CYLD: variants seen among roughly 807,000 people sequenced by gnomAD.
The protein encoded by CYLD is CYLD lysine 63 deubiquitinase.
A neutral mutation model predicts 104.5 loss-of-function variants in CYLD; 26 were observed. The ratio of observed to expected loss-of-function variants is 0.25; its 90% CI spans 0.18 to 0.35. The LOEUF (loss-of-function observed/expected upper bound fraction) is 0.35, where lower values mean the gene tolerates loss of function less well. Ranked by LOEUF, CYLD falls within the 10% of genes least tolerant of loss-of-function variation. The pLI, the probability that CYLD is intolerant of heterozygous loss-of-function variation, is 1.00. For synonymous variants in CYLD, 385 were observed against 399.9 expected (o/e 0.96, Z 0.45); for missense variants, 703 against 1,136.1 (o/e 0.62, Z 5.48).
rs1191913029 is a variant in CYLD at position 50,800,490 on chromosome 16, G to C, written c.*3982G>C. On this transcript the variant is annotated 3_prime_UTR_variant, in exon 19 of 19. Coordinates refer to ENST00000427738, the MANE Select transcript of CYLD (RefSeq NM_001378743.1). Reference sequence around the variant, plus strand: ...TTTAGTCTGTGTACCTCAACCTGCTGTTTGTTTCCTAGAGGTGTTAGTAGT... The same window carrying C: ...TTTAGTCTGTGTACCTCAACCTGCTCTTTGTTTCCTAGAGGTGTTAGTAGT... 4.3e-6 allele frequency: 1 copy of C among 233,050 alleles called. No homozygotes were observed. The highest frequency in any genetic ancestry group is 5.6e-5 in the Admixed American group (1 of 17,786). 14.4% of individuals were successfully genotyped at this position (233,050 alleles called of 1,614,324 possible).
intron 2 of CYLD, among the ~76,000 whole-genome samples, chr16:50,744,210 T>G (rs1429852190): frequency 6.6e-6 from 1 of 152,056 alleles, no homozygotes; most frequent in Admixed American, 6.6e-5. Flanking sequence ...TTTTTTAACC[T>G]TATAAATCCC....
In CYLD at chr16:50,755,025, ATATATATG is replaced by A. The variant is rs1422892353; in HGVS notation, c.913+609_913+616del. On this transcript the variant is annotated intron_variant, in intron 5 of 18. Coordinates refer to ENST00000427738, the MANE Select transcript of CYLD (RefSeq NM_001378743.1). ...TATATACATATATATGTATATATAC[ATATATATG>A]TATATATACATATATATGTATATAT... Among the ~76,000 whole-genome samples the A allele has an allele frequency of 6.5e-5, 7 of 108,104 alleles. 1 individual carries two copies. Among genetic ancestry groups the A allele is most frequent in the South Asian group, 6.8e-4 (2 of 2,946 alleles). 70.9% of individuals were successfully genotyped at this position (108,104 alleles called of 152,430 possible).
chr16:50,749,650 T>C lies in CYLD; in HGVS notation c.-49T>C. ...ATCTTTTGCGGTTTTATGACAAAGT[T>C]ATTAGTAGTTTCCCTTTTTTGAATT... On this transcript the variant is annotated 5_prime_UTR_variant, in exon 3 of 19. Transcript: ENST00000427738. The C allele has an allele frequency of 6.3e-7, 1 of 1,589,080 alleles. No individual in the cohort carries two copies.
At chr16:50,785,165 G>T (rs1040909674) in intron 12 of CYLD, 10 of 152,162 alleles carry the variant, frequency 6.6e-5, no homozygotes, top group African/African-American at 2.2e-4. Flanking sequence ...GAAGAATTAG[G>T]ACCATAGATC....
Position 50,781,419 on chromosome 16 carries a change from G to A in CYLD, c.1684+8G>A. The A allele has an allele frequency of 6.2e-7, 1 of 1,613,132 alleles. No homozygotes were observed. Among genetic ancestry groups the A allele is most frequent in the Non-Finnish European group, 8.5e-7 (1 of 1,179,798 alleles). ...AGCGCTGTAACTCTTTAGGTATTTG[G>A]ATGCTTTTTGTTTACTTAACAACCT... On this transcript the variant is annotated splice_region_variant and intron_variant, in intron 10 of 18. Transcript: ENST00000427738.
intron 2 of CYLD, among the ~76,000 whole-genome samples, chr16:50,747,410 C>T (rs933696809): frequency 6.6e-6 from 1 of 152,136 alleles, no homozygotes; most frequent in Non-Finnish European, 1.5e-5. Flanking sequence ...AGAAAGCATT[C>T]GCGACCTCAG....
At chr16:50,758,832 C>G (rs773626687) in intron 5 of CYLD, among the ~76,000 whole-genome samples, 2 of 152,036 alleles carry the variant, frequency 1.3e-5, no homozygotes, top group Non-Finnish European at 2.9e-5. Context: ...TGGTTTTGAT[C>G]ATGTTAAAAT....
chr16:50,777,569 A>T (rs1036845726), intron 7 of CYLD, among the ~76,000 whole-genome samples: 10 of 152,034 alleles, frequency 6.6e-5, no homozygotes, highest in Middle Eastern at 3.2e-3. Context: ...TTTAAAAATG[A>T]GTGGGCTTTT....
chr16:50,772,601 A>G (rs915993543), intron 5 of CYLD, among the ~76,000 whole-genome samples: 2 of 152,196 alleles, frequency 1.3e-5, no homozygotes, highest in Non-Finnish European at 2.9e-5. Flanking sequence ...CCTCCTACTG[A>G]TGAGCATTTA....
At chr16:50,785,655 G>A (rs4027241) in intron 12 of CYLD, 79,637 of 151,976 alleles carry the variant, frequency 0.52, 21,416 homozygotes, top group African/African-American at 0.62. Flanking sequence ...CTATTGTTCA[G>A]CCAGTTAAGA....
At chr16:50,745,283 CCTTTA>C (rs1250787775) in intron 2 of CYLD, among the ~76,000 whole-genome samples, 1 of 151,222 alleles carries the variant, frequency 6.6e-6, no homozygotes, top group Non-Finnish European at 1.5e-5. Flanking sequence ...GTTCCCTAGG[CCTTTA>C]CTTAAAGGCA....
intron 14 of CYLD, among the ~76,000 whole-genome samples, chr16:50,791,064 T>C (rs1442876245): frequency 6.6e-6 from 1 of 152,230 alleles, no homozygotes; most frequent in Non-Finnish European, 1.5e-5. Flanking sequence ...AGCTCTGCTT[T>C]TGACTTGCTG....
chr16:50,781,326 T>C lies in CYLD; in HGVS notation c.1599T>C (p.Phe533=). ...YFTCALKKAL[F]VKLKSCRPDS... ...CCTGTGCCCTGAAGAAGGCGCTGTT[T>C]GTGAAACTGAAGAGCTGCAGGCCTG... is the stretch of plus-strand genomic sequence containing the variant. Residue 533 remains phenylalanine, a synonymous_variant, in exon 10 of 19, where the codon TTT becomes TTC. Coordinates refer to ENST00000427738, the MANE Select transcript of CYLD (RefSeq NM_001378743.1). 1 of 1,613,972 alleles carries C rather than the reference T, an allele frequency of 6.2e-7. No homozygotes were observed. The highest frequency in any genetic ancestry group is 1.1e-5 in the South Asian group (1 of 91,072).
chr16:50,781,359 G>A lies in CYLD; in HGVS notation c.1632G>A (p.Arg544=), dbSNP rs1202284825. The change falls in exon 10 of 19, where the codon AGG becomes AGA. Residue 544 remains arginine (R), a synonymous_variant. Coordinates refer to ENST00000427738, the MANE Select transcript of CYLD (RefSeq NM_001378743.1). ...TGAAGAGCTGCAGGCCTGACTCTAG[G>A]TTTGCATCATTGCAGCCGGTTTCCA... The part of the protein sequence containing the change: ...VKLKSCRPDS[R]FASLQPVSNQ... 1.9e-6 allele frequency: 3 copies of A among 1,613,694 alleles called. No individual in the cohort carries two copies. The highest frequency in any genetic ancestry group is 2.5e-6 in the Non-Finnish European group (3 of 1,179,884).
chr16:50,793,493 AAT>A (rs1200820789), intron 16 of CYLD, 51 bp from the exon 17 acceptor site: 6 of 1,167,364 alleles, frequency 5.1e-6, no homozygotes, highest in Non-Finnish European at 7.8e-6. Flanking sequence ...TTCATGAAAG[AAT>A]GCATTTTTTT....
intron 11 of CYLD, 54 bp downstream of exon 11, chr16:50,782,520 A>G (rs1970323786): frequency 6.3e-7 from 1 of 1,586,534 alleles, no homozygotes; most frequent in Non-Finnish European, 8.7e-7. Context: ...GCAGGGACAC[A>G]TACCGGTGTG....
chr16:50,775,171 T>C lies in CYLD; in HGVS notation c.919T>C (p.Ser307Pro). The C allele has an allele frequency of 6.3e-7, 1 of 1,597,562 alleles. No individual in the cohort carries two copies. The highest frequency in any genetic ancestry group is 1.3e-5 in the African/African-American group (1 of 74,958). ...TCGTTTTTGCTGACACACAGCTTTA[T>C]CAGGTATGACTCCTAAGTGTCGTGT... ...LHINDIIPAL[S>P]ESVTQERRPP... Residue 307 changes from serine (S) to proline (P), a missense_variant, in exon 6 of 19, where the codon TCA (serine) becomes CCA (proline). Ser to Pro is a moderately conservative substitution (Grantham distance 74). Transcript: ENST00000427738.
chr16:50,775,125 T>A (rs1404498355), intron 5 of CYLD, 41 bp from the exon 6 acceptor site: 1 of 1,579,472 alleles, frequency 6.3e-7, no homozygotes, highest in East Asian at 2.2e-5. Context: ...CTTTCTGTCC[T>A]CAAATCCACT....
At chr16:50,745,333 T>G (rs369221549) in intron 2 of CYLD, among the ~76,000 whole-genome samples, 3 of 151,838 alleles carry the variant, frequency 2.0e-5, no homozygotes, top group Admixed American at 6.6e-5. Context: ...GTTGGGTTTT[T>G]TTTTGTGTGT....
Sources: allele counts gnomAD v4.1 joint callset (sites outside exome capture counted in the v4.1 genomes callset), GRCh38; gene constraint gnomAD v4.1.1; transcripts MANE v1.5; gene names NCBI Gene and HGNC (gene_info 2026-07-23, HGNC 2026-07-21).